The following ADAM2 variants were observed in gnomAD, a reference collection of about 807,000 sequenced individuals.
The protein encoded by ADAM2 is ADAM metallopeptidase domain 2.
ADAM2 carries 101 observed loss-of-function variants against 99.3 expected under a neutral mutation model. The observed-to-expected ratio is 1.02, with a 90% CI of 0.87 to 1.20. The LOEUF is 1.20. Among genes scored for constraint, ADAM2 ranks in the 50% most tolerant of loss-of-function variants. The probability of loss-of-function intolerance (pLI) is 0.00; values close to 1 mark genes in which losing one functional copy is unlikely to be tolerated. For missense variants in ADAM2, 948 were observed against 878.7 expected (o/e 1.08, Z -1.00); for synonymous variants, 323 against 287.6 (o/e 1.12, Z -1.25).
chr8:39,799,451 C>T (rs1233750852), intron 7 of ADAM2, among the ~76,000 whole-genome samples: 1 of 152,138 alleles, frequency 6.6e-6, no homozygotes, highest in Non-Finnish European at 1.5e-5. Context: ...GTTTTACTTC[C>T]AATTATGTGG....
intron 10 of ADAM2, among the ~76,000 whole-genome samples, chr8:39,779,662 C>T (rs2129584832): frequency 6.6e-6 from 1 of 152,176 alleles, no homozygotes; most frequent in South Asian, 2.1e-4. Flanking sequence ...AGACAATTTT[C>T]TTTTGGTGAA....
chr8:39,782,004 A>G (rs1803254385), intron 10 of ADAM2, among the ~76,000 whole-genome samples: 1 of 152,216 alleles, frequency 6.6e-6, no homozygotes, highest in African/African-American at 2.4e-5. Context: ...TGAAGCAATT[A>G]CCTATCCAAT....
At chr8:39,818,561 T>C (rs889356917) in intron 6 of ADAM2, among the ~76,000 whole-genome samples, 3 of 151,970 alleles carry the variant, frequency 2.0e-5, no homozygotes, top group African/African-American at 7.2e-5. Flanking sequence ...AACATTATAA[T>C]GGAAGTAGTA....
At chr8:39,746,880 TGAA>T (rs1823489924) in intron 18 of ADAM2, among the ~76,000 whole-genome samples, 1 of 152,206 alleles carries the variant, frequency 6.6e-6, no homozygotes, top group African/African-American at 2.4e-5. Flanking sequence ...TCTCTGTTCA[TGAA>T]GAATTTTTTT....
At chr8:39,753,493 G>A (rs183772474) in intron 16 of ADAM2, among the ~76,000 whole-genome samples, 17 of 152,212 alleles carry the variant, frequency 1.1e-4, no homozygotes, top group Admixed American at 9.2e-4. Flanking sequence ...TAAGTAATGA[G>A]GAGTCAAATG....
Position 39,777,042 on chromosome 8 carries a change from A to C in ADAM2, c.1011T>G (p.Ile337Met). The C allele has an allele frequency of 6.3e-7, 1 of 1,583,792 alleles. No homozygotes were observed. Among genetic ancestry groups the C allele is most frequent in the Non-Finnish European group, 8.7e-7 (1 of 1,153,538 alleles). Residue 337 changes from isoleucine (I) to methionine (M), a missense_variant, in exon 11 of 21, where the codon ATT (isoleucine) becomes ATG (methionine). By Grantham distance (10) the Ile-to-Met change is conservative (BLOSUM62 1). Coordinates refer to ENST00000265708, the MANE Select transcript of ADAM2 (RefSeq NM_001464.5). Reference protein sequence around the residue: ...NKCQCSGAVCIMNPEAIHFSG... With the variant: ...NKCQCSGAVCMMNPEAIHFSG... ...AATCTTACATTGCTTCTGGATTCAT[A>C]ATGCAGACAGCTCCTGAGCACTGGC...
rs1365928690 is a variant in ADAM2 at position 39,813,984 on chromosome 8, AAAAAG to A, written c.514-4523_514-4519del. On this transcript the variant is annotated intron_variant, in intron 6 of 20. Coordinates refer to ENST00000265708, the MANE Select transcript of ADAM2 (RefSeq NM_001464.5). ...TGTGTTGAAAAGGTGGGCAGAAAAAAAAAAGAAAAGAAAACTACACAGATGCATGA... is the reference window on the plus strand; with the variant it reads ...TGTGTTGAAAAGGTGGGCAGAAAAAAAAAAGAAAACTACACAGATGCATGA... Among the ~76,000 whole-genome samples, 7 of 151,978 alleles carry A rather than the reference AAAAAG, an allele frequency of 4.6e-5. No homozygotes were observed. In the East Asian group the frequency reaches 7.7e-4, roughly 17 times the overall value.
At chr8:39,801,766 A>G (rs1338128338) in intron 7 of ADAM2, among the ~76,000 whole-genome samples, 1 of 152,122 alleles carries the variant, frequency 6.6e-6, no homozygotes, top group African/African-American at 2.4e-5. Flanking sequence ...AGGATGTGTC[A>G]GGATTAGACC....
chr8:39,830,263 T>G (rs1369076030), intron 3 of ADAM2, among the ~76,000 whole-genome samples: 1 of 152,044 alleles, frequency 6.6e-6, no homozygotes, highest in Non-Finnish European at 1.5e-5. Context: ...AAATGACAGA[T>G]GAACAATAAT....
chr8:39,786,665 G>A (rs1225989292), intron 10 of ADAM2, among the ~76,000 whole-genome samples: 1 of 152,000 alleles, frequency 6.6e-6, no homozygotes, highest in Non-Finnish European at 1.5e-5. Context: ...TAAAATCTAA[G>A]TTTTAGCCGA....
At chr8:39,777,245 T>C (rs1023479936) in intron 10 of ADAM2, 84 bp from the exon 11 acceptor site, 4 of 1,098,702 alleles carry the variant, frequency 3.6e-6, no homozygotes, top group East Asian at 4.9e-5. Flanking sequence ...GATCACATGA[T>C]AAAATGGAAT....
chr8:39,811,713 G>A (rs1363682455), intron 6 of ADAM2, among the ~76,000 whole-genome samples: 1 of 152,122 alleles, frequency 6.6e-6, no homozygotes, highest in Admixed American at 6.6e-5. Context: ...AAAGGCCTTC[G>A]ACAAAATTCA....
intron 10 of ADAM2, 94 bp from the exon 11 acceptor site, chr8:39,777,255 TA>T: frequency 2.1e-6 from 2 of 972,766 alleles, no homozygotes; most frequent in Non-Finnish European, 3.1e-6. Context: ...TAAAATGGAA[TA>T]GGGGCATCTG....
At chr8:39,815,483 G>T (rs61445709) in intron 6 of ADAM2, among the ~76,000 whole-genome samples, 1 of 151,976 alleles carries the variant, frequency 6.6e-6, no homozygotes, top group East Asian at 1.9e-4. Context: ...AATAAAATGA[G>T]ATAGAATAGG....
In ADAM2 at chr8:39,767,184, CA is replaced by C. The variant is rs1234153305; in HGVS notation, c.1279del (p.Cys427ValfsTer53). The C allele has an allele frequency of 1.2e-6, 2 of 1,608,150 alleles. No homozygotes were observed. Among genetic ancestry groups the C allele is most frequent in the Middle Eastern group, 1.7e-4 (1 of 6,028 alleles). On this transcript the variant is annotated frameshift_variant, in exon 13 of 21. Coordinates refer to ENST00000265708, the MANE Select transcript of ADAM2 (RefSeq NM_001464.5). LOFTEE classifies it high-confidence loss of function. ...ATCRFKAGSN[C>X]AEGPCCENCL... is the part of the protein sequence containing the mutation. Reference sequence around the variant, plus strand: ...GTTTTCGCAGCATGGTCCTTCAGCACAGTTTGAACCGGCTTTAAATCTACAT... The same window carrying C: ...GTTTTCGCAGCATGGTCCTTCAGCACGTTTGAACCGGCTTTAAATCTACAT...
intron 16 of ADAM2, among the ~76,000 whole-genome samples, chr8:39,753,736 T>C (rs1163983188): frequency 6.6e-6 from 1 of 152,052 alleles, no homozygotes; most frequent in Non-Finnish European, 1.5e-5. Context: ...AGGGTGCAAG[T>C]AATAGTAAAT....
At chr8:39,757,668 C>T (rs1802201593) in intron 15 of ADAM2, among the ~76,000 whole-genome samples, 1 of 152,176 alleles carries the variant, frequency 6.6e-6, no homozygotes, top group African/African-American at 2.4e-5. Context: ...ACAATGTTTT[C>T]AGCTCCTGCT....
chr8:39,797,237 G>T (rs1002714454), intron 7 of ADAM2, among the ~76,000 whole-genome samples: 3 of 152,314 alleles, frequency 2.0e-5, no homozygotes, highest in Non-Finnish European at 4.4e-5. Context: ...AAGGTGTAAG[G>T]AAGGGGTCCA....
At chr8:39,771,872 C>T (rs1416802137) in intron 11 of ADAM2, among the ~76,000 whole-genome samples, 2 of 151,526 alleles carry the variant, frequency 1.3e-5, no homozygotes, top group South Asian at 2.1e-4. Flanking sequence ...ATACATTTAC[C>T]ATGTGTGAAC....
Sources: gnomAD v4.1 joint callset for allele counts (sites outside exome capture counted in the v4.1 genomes callset) on GRCh38, gnomAD v4.1.1 for gene constraint, MANE v1.5 for transcripts, NCBI Gene and HGNC (gene_info 2026-07-23, HGNC 2026-07-21) for gene names.